Variants in UBE2G1 observed in about 807,000 individuals in gnomAD.
UBE2G1 encodes the protein ubiquitin conjugating enzyme E2 G1.
Under a neutral mutation model 22.7 loss-of-function variants are expected in UBE2G1, and 5 were observed. That is an observed-to-expected ratio of 0.22 (90% CI 0.12 to 0.46). UBE2G1 has a LOEUF of 0.46. Ranked by LOEUF, UBE2G1 falls within the 20% of genes least tolerant of loss-of-function variation. The probability of loss-of-function intolerance (pLI) is 0.99; values close to 1 mark genes in which losing one functional copy is unlikely to be tolerated. For missense variants in UBE2G1, 88 were observed against 203.9 expected (o/e 0.43, Z 3.46); for synonymous variants, 74 against 67.5 (o/e 1.10, Z -0.47).
At position 4,366,513 on chromosome 17, in the gene UBE2G1, G is replaced by A; in HGVS notation, c.-197C>T. Reference sequence around the variant, plus strand: ...TCCGCTCGCTTCAGCTCTTTTCACAGCGACTCACGCCCGGAAGGGGAGGGT... The same window carrying A: ...TCCGCTCGCTTCAGCTCTTTTCACAACGACTCACGCCCGGAAGGGGAGGGT... On this transcript the variant is annotated 5_prime_UTR_variant, in exon 1 of 6. Transcript: ENST00000396981. 2.2e-6 allele frequency: 1 copy of A among 456,822 alleles called. No homozygotes were observed. Among genetic ancestry groups the A allele is most frequent in the Non-Finnish European group, 3.7e-6 (1 of 268,676 alleles). The allele number at this position is 456,822 out of a possible 1,614,324, so 28.3% of individuals were successfully genotyped here. A position where few individuals can be genotyped will look rare whatever the true frequency, so the allele number is the denominator to read the frequency against.
At chr17:4,284,829 CTTTTCTTTCTTTTTT>C (rs1567514902) in intron 4 of UBE2G1, among the ~76,000 whole-genome samples, 2,729 of 67,366 alleles carry the variant, frequency 0.041, 53 homozygotes, top group Non-Finnish European at 0.058. Flanking sequence ...CTTTTCTTTT[CTTTTCTTTCTTTTTT>C]TTTTTTTTTT....
At chr17:4,283,282 G>A (rs1186632098) in intron 4 of UBE2G1, among the ~76,000 whole-genome samples, 1 of 152,252 alleles carries the variant, frequency 6.6e-6, no homozygotes, top group Non-Finnish European at 1.5e-5. Flanking sequence ...GGAGGCCGAG[G>A]TGGGCGGATC....
chr17:4,293,932 T>TC (rs1448118202), intron 3 of UBE2G1, among the ~76,000 whole-genome samples: 2 of 152,182 alleles, frequency 1.3e-5, no homozygotes, highest in Non-Finnish European at 2.9e-5. Flanking sequence ...CTCTCTGACT[T>TC]CCCCTTCCAA....
chr17:4,285,677 C>A (rs1390387732), intron 4 of UBE2G1, among the ~76,000 whole-genome samples: 1 of 152,136 alleles, frequency 6.6e-6, no homozygotes, highest in Non-Finnish European at 1.5e-5. Context: ...AGCGGCCGGG[C>A]GAGGTGGCTC....
At chr17:4,301,897 G>T in intron 2 of UBE2G1, 1 of 490,766 alleles carries the variant, frequency 2.0e-6, no homozygotes, top group East Asian at 5.4e-5. Context: ...AAGCTTCGTG[G>T]GGTTCTGCTG....
At chr17:4,360,418 G>A (rs1302452896) in intron 1 of UBE2G1, among the ~76,000 whole-genome samples, 1 of 152,088 alleles carries the variant, frequency 6.6e-6, no homozygotes, top group African/African-American at 2.4e-5. Flanking sequence ...CAAAAGAGGC[G>A]AAGGATTGAA....
At chr17:4,341,159 T>C (rs1969708131) in intron 1 of UBE2G1, among the ~76,000 whole-genome samples, 1 of 152,052 alleles carries the variant, frequency 6.6e-6, no homozygotes, top group South Asian at 2.1e-4. Flanking sequence ...TGAAAGAAGC[T>C]GGTCATGCAA....
intron 5 of UBE2G1, among the ~76,000 whole-genome samples, chr17:4,275,384 C>A (rs1482318442): frequency 6.6e-6 from 1 of 152,168 alleles, no homozygotes; most frequent in African/African-American, 2.4e-5. Context: ...TAAGCATATC[C>A]ATTTCGCAGA....
chr17:4,328,040 C>T (rs1969522169), intron 1 of UBE2G1, among the ~76,000 whole-genome samples: 1 of 152,130 alleles, frequency 6.6e-6, no homozygotes. Context: ...TGCAAGTAGA[C>T]CGATACTCTC....
intron 2 of UBE2G1, among the ~76,000 whole-genome samples, chr17:4,297,037 C>T (rs1816401664): frequency 6.6e-6 from 1 of 152,202 alleles, no homozygotes; most frequent in Non-Finnish European, 1.5e-5. Flanking sequence ...AAAATGAAAT[C>T]ATCTGCTAAA....
chr17:4,305,895 A>C (rs1969243992), intron 2 of UBE2G1, among the ~76,000 whole-genome samples: 1 of 152,214 alleles, frequency 6.6e-6, no homozygotes, highest in African/African-American at 2.4e-5. Flanking sequence ...TTAGTCTGCA[A>C]ACACTCAGAG....
rs1351588810 is a variant in UBE2G1, at chr17:4,289,218, T to C, written c.426+12A>G. On this transcript the variant is annotated intron_variant, in intron 4 of 5. Coordinates refer to ENST00000396981, the MANE Select transcript of UBE2G1 (RefSeq NM_003342.5). The stretch of plus-strand genomic sequence containing the variant: ...GAAAGTGAAGGGAAGGGAAGACGTG[T>C]GACCACCTTACCGCAGCATCAACAT... The C allele has an allele frequency of 1.3e-6, 2 of 1,521,810 alleles. No individual in the cohort carries two copies. Among genetic ancestry groups the C allele is most frequent in the South Asian group, 1.3e-5 (1 of 77,490 alleles). The allele number at this position is 1,521,810 out of a possible 1,614,324, so 94.3% of individuals were successfully genotyped here.
intron 1 of UBE2G1, among the ~76,000 whole-genome samples, chr17:4,360,182 C>T (rs1235717611): frequency 6.6e-6 from 1 of 151,972 alleles, no homozygotes; most frequent in Non-Finnish European, 1.5e-5. Flanking sequence ...TCCTACAAAC[C>T]AATGAAAGGT....
intron 3 of UBE2G1, 65 bp downstream of exon 3, chr17:4,296,652 C>T: frequency 7.0e-7 from 1 of 1,435,758 alleles, no homozygotes; most frequent in Non-Finnish European, 9.8e-7. Flanking sequence ...TTCTTATTGA[C>T]CTTGAACACT....
intron 1 of UBE2G1, among the ~76,000 whole-genome samples, chr17:4,328,564 T>C (rs1415049845): frequency 1.3e-5 from 2 of 152,216 alleles, no homozygotes; most frequent in African/African-American, 4.8e-5. Context: ...GCTGTCATGC[T>C]TGCTCCTTAG....
chr17:4,289,450 T>G (rs754158516), intron 3 of UBE2G1, 42 bp from the exon 4 acceptor site: 1 of 1,469,738 alleles, frequency 6.8e-7, no homozygotes, highest in Non-Finnish European at 9.0e-7. Context: ...TATTACTAAT[T>G]TGGTTATACA....
rs899685132 is a variant in UBE2G1, at chr17:4,312,432, G to A, written c.47-5309C>T. Among the ~76,000 whole-genome samples the A allele has an allele frequency of 6.6e-5, 10 of 152,060 alleles. No individual in the cohort carries two copies. The South Asian group carries it at 1.0e-3, about 16-fold the overall frequency. On this transcript the variant is annotated intron_variant, in intron 1 of 5. Transcript: ENST00000396981. ...AACAGGAGGCGGCACAAGGTAAACT[G>A]AGAAAGGTAAGCCAGTGAAATAGGG...
intron 5 of UBE2G1, among the ~76,000 whole-genome samples, chr17:4,281,023 C>T (rs145896962): frequency 6.6e-4 from 100 of 152,262 alleles, no homozygotes; most frequent in Non-Finnish European, 9.1e-4. Flanking sequence ...AAATGAAATA[C>T]GCGTACCCTT....
At chr17:4,291,083 G>A (rs1302614812) in intron 3 of UBE2G1, among the ~76,000 whole-genome samples, 5 of 152,126 alleles carry the variant, frequency 3.3e-5, no homozygotes, top group Admixed American at 6.5e-5. Context: ...ACCGAGGGCC[G>A]GGCGTGGTGG....
Sources: gnomAD v4.1 joint callset for allele counts (sites outside exome capture counted in the v4.1 genomes callset) on GRCh38, gnomAD v4.1.1 for gene constraint, MANE v1.5 for transcripts, NCBI Gene and HGNC (gene_info 2026-07-23, HGNC 2026-07-21) for gene names.